ZNF34: variants seen among roughly 807,000 people sequenced by gnomAD.
ZNF34 encodes the protein zinc finger protein 34.
Under a neutral mutation model 14.4 loss-of-function variants are expected in ZNF34, and 8 were observed. That is an observed-to-expected ratio of 0.55 (90% CI 0.33 to 1.00). The LOEUF (loss-of-function observed/expected upper bound fraction) is 1.00. ZNF34 is among the 50% of genes least tolerant of loss of function. The probability of loss-of-function intolerance (pLI) is 0.03; values close to 1 mark genes in which losing one functional copy is unlikely to be tolerated. For missense variants in ZNF34, 538 were observed against 674.2 expected (o/e 0.80, Z 2.24); for synonymous variants, 235 against 247.9 (o/e 0.95, Z 0.49).
intron 1 of ZNF34, among the ~76,000 whole-genome samples, chr8:144,783,884 G>A (rs571993859): frequency 3.3e-5 from 5 of 152,218 alleles, no homozygotes; most frequent in Non-Finnish European, 5.9e-5. Context: ...AGGCAGTGTG[G>A]CCAGGCGCAG....
Position 144,787,282 on chromosome 8 carries a change from A to T in ZNF34, c.-111T>A, listed in dbSNP as rs539529517. The T allele has an allele frequency of 6.5e-6, 1 of 152,678 alleles. No homozygotes were observed. Among genetic ancestry groups the T allele is most frequent in the African/African-American group, 2.4e-5 (1 of 41,564 alleles). 9.5% of individuals were successfully genotyped at this position (152,678 alleles called of 1,614,324 possible). A position where few individuals can be genotyped will look rare whatever the true frequency, so the allele number is the denominator to read the frequency against. ...CCCCCGCCGGGCTCACACTCACCTCAGCGCCGCCGAGCAGCACGGCAGCCC... is the reference window on the plus strand; with the variant it reads ...CCCCCGCCGGGCTCACACTCACCTCTGCGCCGCCGAGCAGCACGGCAGCCC... On this transcript the variant is annotated 5_prime_UTR_variant, in exon 1 of 6. Transcript: ENST00000429371.
At position 144,773,554 on chromosome 8, in the gene ZNF34, G is replaced by C. The variant is rs376595358; in HGVS notation, c.1332C>G (p.His444Gln). The part of the protein sequence containing the change: ...VFSQSTHLIQ[H>Q]QRIHTGEKPY... ...GCTTCTCTCCTGTGTGGATTCTCTGGTGCTGGATGAGGTGTGTGCTTTGGC... is the reference window on the plus strand; with the variant it reads ...GCTTCTCTCCTGTGTGGATTCTCTGCTGCTGGATGAGGTGTGTGCTTTGGC... The change falls in exon 6 of 6, where the codon CAC becomes CAG. Residue 444 changes from histidine (H) to glutamine (Q), a missense_variant. His to Gln is a conservative substitution (Grantham distance 24, BLOSUM62 0). This residue lies in a region of ZNF34 where 6 missense variants were observed against 25.4 expected (regional missense o/e 0.24). Coordinates refer to ENST00000429371, the MANE Select transcript of ZNF34 (RefSeq NM_001286769.2). The surrounding 1 kb of genome is among the most constrained non-coding windows in gnomAD (Gnocchi z 5.4). 28 of 1,613,984 alleles carry C rather than the reference G, an allele frequency of 1.7e-5. No individual in the cohort carries two copies. The highest frequency in any genetic ancestry group is 2.2e-5 in the Non-Finnish European group (26 of 1,180,022).
intron 5 of ZNF34, among the ~76,000 whole-genome samples, chr8:144,775,999 A>C (rs1481721993): frequency 6.6e-6 from 1 of 152,248 alleles, no homozygotes; most frequent in Non-Finnish European, 1.5e-5. Context: ...CCGTGTCTGC[A>C]CAGCAGAACA....
At position 144,777,660 on chromosome 8, in the gene ZNF34, AG is replaced by A; in HGVS notation, c.161-84del. On this transcript the variant is annotated intron_variant, in intron 4 of 5. Transcript: ENST00000429371. This position sits in a 1 kb window ranked among gnomAD's most constrained non-coding sequence, Gnocchi z 4.8. ...TGTCTCACCCTGGGGCTGCAGGGTAAGGGAGGCACAGGCAGAGGGGGTGATG... is the reference window on the plus strand; with the variant it reads ...TGTCTCACCCTGGGGCTGCAGGGTAAGGAGGCACAGGCAGAGGGGGTGATG... 6.8e-7 allele frequency: 1 copy of A among 1,478,662 alleles called. No individual in the cohort carries two copies. Among genetic ancestry groups the A allele is most frequent in the Non-Finnish European group, 9.1e-7 (1 of 1,099,996 alleles). The allele number at this position is 1,478,662 out of a possible 1,614,324, so 91.6% of individuals were successfully genotyped here. A position where few individuals can be genotyped will look rare whatever the true frequency, so the allele number is the denominator to read the frequency against.
At chr8:144,776,610 G>C (rs959850570) in intron 5 of ZNF34, among the ~76,000 whole-genome samples, 1 of 146,718 alleles carries the variant, frequency 6.8e-6, no homozygotes, top group Non-Finnish European at 1.5e-5. Context: ...AAATAAAAAA[G>C]CAACAGCATC....
chr8:144,779,797 G>C lies in ZNF34; in HGVS notation c.-55+431C>G, dbSNP rs113842984. On this transcript the variant is annotated intron_variant, in intron 2 of 5. Transcript: ENST00000429371. This position sits in a 1 kb window ranked among gnomAD's most constrained non-coding sequence, Gnocchi z 4.1. ...TCTATCCCCCTCCCTGCTCTGGCAT[G>C]CTAAGCTGTCTCATTCAGGAGGAAA... Among the ~76,000 whole-genome samples the C allele has an allele frequency of 1.3e-5, 2 of 152,030 alleles. No individual in the cohort carries two copies. The highest frequency in any genetic ancestry group is 2.9e-5 in the Non-Finnish European group (2 of 68,028).
intron 1 of ZNF34, among the ~76,000 whole-genome samples, chr8:144,781,465 C>T (rs1825883157): frequency 6.6e-6 from 1 of 151,890 alleles, no homozygotes; most frequent in Non-Finnish European, 1.5e-5. Context: ...ACCGTGCTGG[C>T]CAGGATGGTC....
chr8:144,777,801 G>T lies in ZNF34; in HGVS notation c.161-224C>A, dbSNP rs908075231. On this transcript the variant is annotated intron_variant, in intron 4 of 5. Transcript: ENST00000429371. This position sits in a 1 kb window ranked among gnomAD's most constrained non-coding sequence, Gnocchi z 4.8. ...GGAGGTATGCAACTCCGCCCCCCCG[G>T]TGTCCCCCGCCCTACCAGGGAGGGG... 1.3e-5 allele frequency among the ~76,000 whole-genome samples: 2 copies of T among 152,070 alleles called. No homozygotes were observed. Among genetic ancestry groups the T allele is most frequent in the Admixed American group, 6.5e-5 (1 of 15,284 alleles).
At chr8:144,786,154 T>C (rs765689810) in intron 1 of ZNF34, among the ~76,000 whole-genome samples, 4 of 151,428 alleles carry the variant, frequency 2.6e-5, no homozygotes, top group Non-Finnish European at 4.4e-5. Context: ...CCGGCTAATT[T>C]TTTTGTATTT....
At chr8:144,774,691 C>A in intron 5 of ZNF34, 86 bp from the exon 6 acceptor site, 1 of 1,476,874 alleles carries the variant, frequency 6.8e-7, no homozygotes, top group Non-Finnish European at 9.0e-7. Context: ...CTGTGGGGAA[C>A]CAATTTGATC....
chr8:144,774,645 G>C, intron 5 of ZNF34, 40 bp from the exon 6 acceptor site: 1 of 1,561,490 alleles, frequency 6.4e-7, no homozygotes, highest in African/African-American at 1.4e-5. Flanking sequence ...CACCTGCTCT[G>C]ACTCTGGAAG....
At chr8:144,776,129 C>T (rs1013165760) in intron 5 of ZNF34, among the ~76,000 whole-genome samples, 9 of 152,170 alleles carry the variant, frequency 5.9e-5, no homozygotes, top group African/African-American at 1.4e-4. Flanking sequence ...CTGGCCAATA[C>T]GGTGTAACCC....
At chr8:144,786,930 A>G (rs567375558) in intron 1 of ZNF34, among the ~76,000 whole-genome samples, 2 of 152,112 alleles carry the variant, frequency 1.3e-5, no homozygotes, top group African/African-American at 4.8e-5. Flanking sequence ...CGGGATGGGA[A>G]GCCTCGGGCC....
In ZNF34 at chr8:144,772,781, C is replaced by A. The variant is rs369537356; in HGVS notation, c.*485G>T. On this transcript the variant is annotated 3_prime_UTR_variant, in exon 6 of 6. Transcript: ENST00000429371. Reference sequence around the variant, plus strand: ...TCTCAAACTCCTGACCTCAAGTGATCCACCCACCTTGGCCTCTCAAAATGC... The same window carrying A: ...TCTCAAACTCCTGACCTCAAGTGATACACCCACCTTGGCCTCTCAAAATGC... Among the ~76,000 whole-genome samples the A allele has an allele frequency of 1.4e-4, 22 of 152,128 alleles. No individual in the cohort carries two copies. Among genetic ancestry groups the A allele is most frequent in the African/African-American group, 5.3e-4 (22 of 41,420 alleles).
At chr8:144,780,732 T>TGAGC (rs1458429637) in intron 1 of ZNF34, among the ~76,000 whole-genome samples, 4 of 151,490 alleles carry the variant, frequency 2.6e-5, no homozygotes, top group Non-Finnish European at 5.9e-5. Flanking sequence ...GAGGTTGTAG[T>TGAGC]GAGCCGAGAT....
Position 144,777,917 on chromosome 8 carries a change from C to A in ZNF34, c.160+121G>T. 7.0e-7 allele frequency: 1 copy of A among 1,422,178 alleles called. No homozygotes were observed. The highest frequency in any genetic ancestry group is 2.5e-5 in the East Asian group (1 of 40,332). The allele number at this position is 1,422,178 out of a possible 1,614,324, so 88.1% of individuals were successfully genotyped here. On this transcript the variant is annotated intron_variant, in intron 4 of 5. Coordinates refer to ENST00000429371, the MANE Select transcript of ZNF34 (RefSeq NM_001286769.2). This position sits in a 1 kb window ranked among gnomAD's most constrained non-coding sequence, Gnocchi z 4.8. ...TCCCCTCATCTTCTCAGATCAGGTG[C>A]CTGCCTGGGATAAAGGTCATCACCT...
Position 144,773,297 on chromosome 8 carries a change from C to T in ZNF34, c.1589G>A (p.Arg530Gln), listed in dbSNP as rs760367746. Reference protein sequence around the residue: ...RHSSNMCQHQRIHLREDFSM With the variant: ...RHSSNMCQHQQIHLREDFSM ...GGAGAAGTCCTCCCGGAGGTGAATC[C>T]GCTGATGCTGACACATGTTGGAACT... The change falls in exon 6 of 6, where the codon CGG becomes CAG. Residue 530 changes from arginine to glutamine, a missense_variant. This residue lies in a region of ZNF34 where 101 missense variants were observed against 123.1 expected (regional missense o/e 0.82). Transcript: ENST00000429371. The surrounding 1 kb of genome is among the most constrained non-coding windows in gnomAD (Gnocchi z 5.4). The T allele has an allele frequency of 2.2e-5, 36 of 1,611,462 alleles. No individual in the cohort carries two copies. The highest frequency in any genetic ancestry group is 2.9e-5 in the Non-Finnish European group (34 of 1,177,952).
chr8:144,773,738 G>A lies in ZNF34; in HGVS notation c.1148C>T (p.Ser383Phe). The change falls in exon 6 of 6, where the codon TCT (serine) becomes TTT (phenylalanine). Residue 383 changes from serine (S) to phenylalanine (F), a missense_variant. Ser to Phe is a radical substitution (Grantham distance 155). Around this residue, in one of 3 missense-constraint regions of ZNF34, gnomAD observed 431 missense variants for 525.7 expected, o/e 0.82. Coordinates refer to ENST00000429371, the MANE Select transcript of ZNF34 (RefSeq NM_001286769.2). The surrounding 1 kb of genome is among the most constrained non-coding windows in gnomAD (Gnocchi z 5.4). ...KECGKGFTQS[S>F]NLIQHQRIHT... ...AATTCTCTGATGTTGGATAAGGTTA[G>A]AACTTTGTGTAAAGCCTTTGCCACA... 6.2e-7 allele frequency: 1 copy of A among 1,614,090 alleles called. No homozygotes were observed. The highest frequency in any genetic ancestry group is 8.5e-7 in the Non-Finnish European group (1 of 1,179,972).
Position 144,773,434 on chromosome 8 carries a change from G to A in ZNF34, c.1452C>T (p.Cys484=). 1.2e-6 allele frequency: 2 copies of A among 1,613,486 alleles called. No individual in the cohort carries two copies. Among genetic ancestry groups the A allele is most frequent in the Non-Finnish European group, 1.7e-6 (2 of 1,179,902 alleles). The change falls in exon 6 of 6, where the codon TGC becomes TGT. Residue 484 remains cysteine, a synonymous_variant. Coordinates refer to ENST00000429371, the MANE Select transcript of ZNF34 (RefSeq NM_001286769.2). The surrounding 1 kb of genome is among the most constrained non-coding windows in gnomAD (Gnocchi z 5.4). ...GGCTGAAGGCTTTCTTGCAATCGCT[G>A]CATCTGTAGGGTTTCTCTCCGTGGT... is the stretch of plus-strand genomic sequence containing the variant. ...RLHHGEKPYR[C]SDCKKAFSQS...
Sources: gnomAD v4.1 joint callset for allele counts (sites outside exome capture counted in the v4.1 genomes callset) on GRCh38, gnomAD v4.1.1 for gene constraint, gnomAD v4.1.1 regional missense constraint, Gnocchi (gnomAD v3.1) non-coding constraint, MANE v1.5 for transcripts, NCBI Gene and HGNC (gene_info 2026-07-23, HGNC 2026-07-21) for gene names.